Variants in MYO5B observed in about 807,000 individuals in gnomAD.
MYO5B encodes the protein myosin VB, also known as unconventional myosin-Vb.
A neutral mutation model predicts 229.3 loss-of-function variants in MYO5B; 143 were observed. That is an observed-to-expected ratio of 0.62 (90% CI 0.54 to 0.72). MYO5B has a LOEUF of 0.72. MYO5B is among the 30% of genes least tolerant of loss of function. The pLI is 0.00. For missense variants in MYO5B, 2,321 were observed against 2,331.0 expected, an observed-to-expected ratio of 1.00 and a Z score of 0.09; for synonymous variants, 918 against 885.2, an observed-to-expected ratio of 1.04 and a Z score of -0.66.
At chr18:49,986,526 C>T (rs1332627719) in intron 7 of MYO5B, among the ~76,000 whole-genome samples, 2 of 152,212 alleles carry the variant, frequency 1.3e-5, no homozygotes, top group Admixed American at 6.5e-5. Flanking sequence ...GTGGCCAAGG[C>T]ACTTGAACTG....
intron 10 of MYO5B, among the ~76,000 whole-genome samples, chr18:49,965,616 T>C: frequency 6.6e-6 from 1 of 152,068 alleles, no homozygotes; most frequent in East Asian, 1.9e-4. Flanking sequence ...AGTTAGGCCT[T>C]ATTATTAATC....
At chr18:50,172,215 A>G (rs1346121064) in intron 1 of MYO5B, among the ~76,000 whole-genome samples, 4 of 145,536 alleles carry the variant, frequency 2.7e-5, no homozygotes, top group Non-Finnish European at 4.5e-5. Context: ...CAGAAGGTCG[A>G]GGCTGCCGTG....
chr18:49,839,850 G>C (rs1041379427), intron 35 of MYO5B: 2 of 172,304 alleles, frequency 1.2e-5, no homozygotes, highest in Non-Finnish European at 2.5e-5. Flanking sequence ...TAAGTTAAGG[G>C]AACTGCTGAT....
rs190347220 is a variant in MYO5B at position 50,040,044 on chromosome 18, G to T, written c.310+99C>A. ...TCTCAGTGGAGAGATACTTACAAAT[G>T]AGAGAGTGAAATGAGGACTCCTAAG... On this transcript the variant is annotated intron_variant, in intron 3 of 39. Transcript: ENST00000285039. The T allele has an allele frequency of 7.6e-6, 10 of 1,309,774 alleles. No individual in the cohort carries two copies. In the African/African-American group the frequency reaches 1.0e-4, roughly 13 times the overall value. 81.1% of individuals were successfully genotyped at this position (1,309,774 alleles called of 1,614,324 possible).
At chr18:50,137,526 G>C (rs914023921) in intron 1 of MYO5B, among the ~76,000 whole-genome samples, 1 of 152,162 alleles carries the variant, frequency 6.6e-6, no homozygotes, top group Admixed American at 6.5e-5. Flanking sequence ...TTGCAGCTCT[G>C]TCAATTAGCC....
At chr18:49,924,772 T>C (rs1024659787) in intron 17 of MYO5B, among the ~76,000 whole-genome samples, 3 of 152,134 alleles carry the variant, frequency 2.0e-5, no homozygotes, top group African/African-American at 7.2e-5. Flanking sequence ...AGGCTGGTAA[T>C]CTTAACCAGC....
chr18:50,136,773 C>A (rs1288317554), intron 1 of MYO5B, among the ~76,000 whole-genome samples: 1 of 152,146 alleles, frequency 6.6e-6, no homozygotes, highest in Non-Finnish European at 1.5e-5. Flanking sequence ...AAGAAGACAA[C>A]CTCCTACACT....
chr18:49,932,857 A>G (rs116684702), intron 16 of MYO5B, among the ~76,000 whole-genome samples: 1,657 of 152,158 alleles, frequency 0.011, 30 homozygotes, highest in African/African-American at 0.038. Flanking sequence ...GCATCTCTCA[A>G]TCCGCCTCAC....
chr18:49,925,356 A>G (rs2025117600), intron 17 of MYO5B, among the ~76,000 whole-genome samples: 1 of 152,182 alleles, frequency 6.6e-6, no homozygotes, highest in Non-Finnish European at 1.5e-5. Flanking sequence ...GAACCAAACC[A>G]TTGTATATCT....
At chr18:49,958,946 C>T (rs1337340178) in intron 12 of MYO5B, among the ~76,000 whole-genome samples, 1 of 152,164 alleles carries the variant, frequency 6.6e-6, no homozygotes, top group East Asian at 1.9e-4. Context: ...AACCCCTCTC[C>T]CCTGCTTCTC....
intron 35 of MYO5B, chr18:49,840,049 G>A (rs1266977848): frequency 6.5e-6 from 1 of 153,174 alleles, no homozygotes; most frequent in Admixed American, 6.5e-5. Flanking sequence ...GATGAAGATA[G>A]AGTCAATCAT....
chr18:50,000,038 A>T (rs1156979727), intron 5 of MYO5B, among the ~76,000 whole-genome samples: 2 of 152,280 alleles, frequency 1.3e-5, no homozygotes, highest in African/African-American at 2.4e-5. Context: ...GTTACTTAGC[A>T]GAGAATTAAA....
rs531349216 is a variant in MYO5B at position 50,166,999 on chromosome 18, G to A, written c.27+27768C>T. 9.2e-5 allele frequency among the ~76,000 whole-genome samples: 14 copies of A among 152,262 alleles called. No homozygotes were observed. In the East Asian group the frequency reaches 2.1e-3, roughly 23 times the overall value. On this transcript the variant is annotated intron_variant, in intron 1 of 39. Coordinates refer to ENST00000285039, the MANE Select transcript of MYO5B (RefSeq NM_001080467.3). ...AATCTTTTAGGTGAATATAAAAGAC[G>A]CCTGGAAAGTCTTTAAAGAGAGACT...
In MYO5B at chr18:49,825,254, T is replaced by G. The variant is rs1418611974; in HGVS notation, c.*1217A>C. The G allele has an allele frequency of 1.3e-5, 2 of 152,200 alleles. No individual in the cohort carries two copies. Among genetic ancestry groups the G allele is most frequent in the Non-Finnish European group, 2.9e-5 (2 of 68,032 alleles). The allele number at this position is 152,200 out of a possible 1,614,324, so 9.4% of individuals were successfully genotyped here. On this transcript the variant is annotated 3_prime_UTR_variant, in exon 40 of 40. Coordinates refer to ENST00000285039, the MANE Select transcript of MYO5B (RefSeq NM_001080467.3). ...GAAACCAAAAACAAGTTAAAAAAAA[T>G]TCTAAGAGCAGCAAACATCTAAGCC...
chr18:49,880,122 G>A (rs575056303), intron 23 of MYO5B, among the ~76,000 whole-genome samples: 1 of 152,272 alleles, frequency 6.6e-6, no homozygotes, highest in South Asian at 2.1e-4. Context: ...CATGCTTCAA[G>A]TGCGGGCCTC....
At chr18:49,897,683 G>C (rs931561341) in intron 21 of MYO5B, among the ~76,000 whole-genome samples, 1 of 152,164 alleles carries the variant, frequency 6.6e-6, no homozygotes, top group Admixed American at 6.5e-5. Context: ...GAAGCCACAA[G>C]TTAAAAGTAT....
At chr18:49,873,717 C>T (rs931841878) in intron 26 of MYO5B, among the ~76,000 whole-genome samples, 2 of 152,182 alleles carry the variant, frequency 1.3e-5, no homozygotes, top group Non-Finnish European at 2.9e-5. Flanking sequence ...ACTCAAGGGG[C>T]TCTATTAAGA....
intron 1 of MYO5B, among the ~76,000 whole-genome samples, chr18:50,153,409 T>A (rs1187679346): frequency 6.6e-6 from 1 of 152,134 alleles, no homozygotes; most frequent in Non-Finnish European, 1.5e-5. Context: ...GAATCTATTC[T>A]TATATATTTA....
chr18:50,153,401 A>G (rs2032630262), intron 1 of MYO5B, among the ~76,000 whole-genome samples: 1 of 152,120 alleles, frequency 6.6e-6, no homozygotes, highest in South Asian at 2.1e-4. Flanking sequence ...AGTAGATGGA[A>G]TCTATTCTTA....
Sources: allele counts gnomAD v4.1 joint callset (sites outside exome capture counted in the v4.1 genomes callset), GRCh38; gene constraint gnomAD v4.1.1; transcripts MANE v1.5; gene names NCBI Gene and HGNC (gene_info 2026-07-23, HGNC 2026-07-21).